Variants in ADGRD1 observed in about 807,000 individuals in gnomAD.
The protein encoded by ADGRD1 is adhesion G protein-coupled receptor D1.
Under a neutral mutation model 113.4 loss-of-function variants are expected in ADGRD1, and 77 were observed. That is an observed-to-expected ratio of 0.68 (90% CI 0.57 to 0.82). The LOEUF is 0.82. Among genes scored for constraint, ADGRD1 ranks in the 40% least tolerant of loss-of-function variants. The pLI is 0.00. For synonymous variants in ADGRD1, 474 were observed against 475.0 expected, an observed-to-expected ratio of 1.00 and a Z score of 0.03; for missense variants, 1,036 against 1,139.1, an observed-to-expected ratio of 0.91 and a Z score of 1.30.
chr12:130,964,202 AT>A lies in ADGRD1; in HGVS notation c.104-2260del, dbSNP rs1294041579. Reference sequence around the variant, plus strand: ...ACCCTTCTGTAATATGTATTATATAATACATATTATATAATATGCACAGAAA... The same window carrying A: ...ACCCTTCTGTAATATGTATTATATAAACATATTATATAATATGCACAGAAA... On this transcript the variant is annotated intron_variant, in intron 2 of 24. Coordinates refer to ENST00000261654, the MANE Select transcript of ADGRD1 (RefSeq NM_198827.5). 2.0e-3 allele frequency among the ~76,000 whole-genome samples: 299 copies of A among 152,030 alleles called. 1 individual carries two copies. Among genetic ancestry groups the A allele is most frequent in the African/African-American group, 6.9e-3 (288 of 41,492 alleles).
At chr12:131,070,607 C>G in intron 13 of ADGRD1, 1 of 285,010 alleles carries the variant, frequency 3.5e-6, no homozygotes, top group Non-Finnish European at 7.3e-6. Flanking sequence ...GTGCGGGAGA[C>G]GAGTGGAGGC....
At chr12:131,045,514 C>CA (rs1245120322) in intron 13 of ADGRD1, among the ~76,000 whole-genome samples, 25 of 143,454 alleles carry the variant, frequency 1.7e-4, no homozygotes, top group Non-Finnish European at 4.6e-5. Flanking sequence ...GACCCCCCCC[C>CA]ACCCCCGCCT....
At chr12:131,042,985 G>A (rs1351915259) in intron 13 of ADGRD1, among the ~76,000 whole-genome samples, 3 of 152,366 alleles carry the variant, frequency 2.0e-5, no homozygotes, top group Non-Finnish European at 4.4e-5. Context: ...TCCCCGCCCT[G>A]CGGCCCTGCC....
At chr12:131,102,410 C>CT (rs1417950770) in intron 15 of ADGRD1, among the ~76,000 whole-genome samples, 1 of 152,222 alleles carries the variant, frequency 6.6e-6, no homozygotes, top group Admixed American at 6.5e-5. Context: ...TGATGAGTGC[C>CT]TACCCCTCCC....
At chr12:131,061,387 C>G (rs1172757204) in intron 13 of ADGRD1, among the ~76,000 whole-genome samples, 1 of 152,184 alleles carries the variant, frequency 6.6e-6, no homozygotes, top group African/African-American at 2.4e-5. Context: ...CAGAACTCAG[C>G]AAATCAAAAT....
intron 15 of ADGRD1, among the ~76,000 whole-genome samples, chr12:131,100,820 C>T (rs1156883654): frequency 6.6e-6 from 1 of 152,188 alleles, no homozygotes; most frequent in Admixed American, 6.5e-5. Flanking sequence ...CATGTCAGCC[C>T]ACTGGAACCT....
chr12:131,121,383 TG>T (rs1950589774), intron 20 of ADGRD1, among the ~76,000 whole-genome samples: 2 of 152,104 alleles, frequency 1.3e-5, no homozygotes, highest in South Asian at 4.1e-4. Flanking sequence ...TTTTTGTTGT[TG>T]TTTTTGTTAT....
At chr12:131,094,652 C>G (rs1293339529) in intron 15 of ADGRD1, among the ~76,000 whole-genome samples, 3 of 152,194 alleles carry the variant, frequency 2.0e-5, no homozygotes, top group African/African-American at 7.2e-5. Flanking sequence ...GGCATGCATC[C>G]TCAGTACCAT....
intron 7 of ADGRD1, 67 bp from the exon 8 acceptor site, chr12:130,992,170 A>G (rs1874491447): frequency 1.6e-6 from 2 of 1,262,428 alleles, no homozygotes; most frequent in Non-Finnish European, 1.1e-6. Context: ...AGTAGGACAC[A>G]TTAAACTTCT....
intron 12 of ADGRD1, among the ~76,000 whole-genome samples, chr12:131,012,361 G>A (rs1423480573): frequency 6.6e-6 from 1 of 151,812 alleles, no homozygotes; most frequent in Non-Finnish European, 1.5e-5. Context: ...GTCACATAGA[G>A]GAATTGCCGG....
chr12:131,084,060 G>T lies in ADGRD1; in HGVS notation c.1548-480G>T, dbSNP rs1010435603. Among the ~76,000 whole-genome samples, 2 of 152,170 alleles carry T rather than the reference G, an allele frequency of 1.3e-5. No homozygotes were observed. The highest frequency in any genetic ancestry group is 4.8e-5 in the African/African-American group (2 of 41,436). Reference sequence around the variant, plus strand: ...CAAGGATGTTCTTTTTAACCGATGCGAGGTCTTTTATCATATTTCTCTCTC... The same window carrying T: ...CAAGGATGTTCTTTTTAACCGATGCTAGGTCTTTTATCATATTTCTCTCTC... On this transcript the variant is annotated intron_variant, in intron 14 of 24. Coordinates refer to ENST00000261654, the MANE Select transcript of ADGRD1 (RefSeq NM_198827.5). The surrounding 1 kb of genome is among the most constrained non-coding windows in gnomAD (Gnocchi z 4.5).
In ADGRD1 at chr12:131,098,398, G is replaced by A. The variant is rs374934138; in HGVS notation, c.1672-6433G>A. ...GGGGGTTTGAGTCTGAGACTCAGGC[G>A]CTATGGAGGGGGTGAGCCATGAGGG... On this transcript the variant is annotated intron_variant, in intron 15 of 24. Transcript: ENST00000261654. Among the ~76,000 whole-genome samples the A allele has an allele frequency of 1.6e-3, 241 of 152,246 alleles. 4 individuals are homozygous for A. Among genetic ancestry groups the A allele is most frequent in the African/African-American group, 5.7e-3 (236 of 41,520 alleles).
chr12:131,021,461 C>T (rs11061285), intron 13 of ADGRD1, among the ~76,000 whole-genome samples: 11,235 of 152,196 alleles, frequency 0.074, 1,212 homozygotes, highest in African/African-American at 0.24. Flanking sequence ...CGATGCTGTG[C>T]GTCTTTGACA....
In ADGRD1 at chr12:131,120,874, C is replaced by T. The variant is rs1191322289; in HGVS notation, c.2136C>T (p.Ala712=). The change falls in exon 20 of 25, where the codon GCC becomes GCT. Residue 712 remains alanine (A), a synonymous_variant. Transcript: ENST00000261654. ...GCTGGCTGTCGTTGGCGAGTGGCGC[C>T]ATCTGGGCCTTTGTAGCCCCTGCCC... is the stretch of plus-strand genomic sequence containing the variant. The part of the protein sequence containing the change: ...NNCWLSLASG[A]IWAFVAPALF... 2 of 1,614,210 alleles carry T rather than the reference C, an allele frequency of 1.2e-6. No homozygotes were observed. Among genetic ancestry groups the T allele is most frequent in the Non-Finnish European group, 1.7e-6 (2 of 1,180,044 alleles).
chr12:130,993,763 GC>G (rs1874760886), intron 8 of ADGRD1: 1 of 152,524 alleles, frequency 6.6e-6, no homozygotes, highest in Non-Finnish European at 1.5e-5. Context: ...CTCGCTTCAG[GC>G]AACAAGAGGC....
chr12:131,138,573 C>T (rs1012053436), intron 24 of ADGRD1, among the ~76,000 whole-genome samples: 1 of 152,210 alleles, frequency 6.6e-6, no homozygotes, highest in Non-Finnish European at 1.5e-5. Context: ...GGAGCAGGCC[C>T]TGTTAGGGTT....
intron 14 of ADGRD1, among the ~76,000 whole-genome samples, chr12:131,083,225 T>A (rs1030502052): frequency 3.9e-5 from 6 of 152,232 alleles, no homozygotes; most frequent in African/African-American, 1.2e-4. Flanking sequence ...TGCCTTTGGC[T>A]GAAGTAAGGA....
intron 3 of ADGRD1, chr12:130,970,509 C>T (rs1188829791): frequency 2.6e-5 from 4 of 152,220 alleles, no homozygotes; most frequent in Admixed American, 2.6e-4. Flanking sequence ...GCTGGAAAGC[C>T]TGAGCTGGGG....
intron 13 of ADGRD1, among the ~76,000 whole-genome samples, chr12:131,029,453 A>T (rs1405002721): frequency 1.3e-5 from 2 of 152,224 alleles, no homozygotes; most frequent in African/African-American, 4.8e-5. Flanking sequence ...TTGCCATGTA[A>T]AGTGACATTC....
Sources: allele counts gnomAD v4.1 joint callset (sites outside exome capture counted in the v4.1 genomes callset), GRCh38; gene constraint gnomAD v4.1.1; non-coding constraint Gnocchi (gnomAD v3.1); transcripts MANE v1.5; gene names NCBI Gene and HGNC (gene_info 2026-07-23, HGNC 2026-07-21).